The following UNC5C variants were observed in gnomAD, a reference collection of about 807,000 sequenced individuals.
UNC5C encodes netrin receptor UNC5C.
In UNC5C, 47 loss-of-function variants were observed where a neutral mutation model predicts 99.8. That is an observed-to-expected ratio of 0.47 (90% CI 0.37 to 0.60). The LOEUF (loss-of-function observed/expected upper bound fraction) is 0.60, where lower values mean the gene tolerates loss of function less well. Among genes scored for constraint, UNC5C ranks in the 20% least tolerant of loss-of-function variants. The pLI is 0.00. For synonymous variants in UNC5C, 487 were observed against 452.2 expected, an observed-to-expected ratio of 1.08 and a Z score of -0.98; for missense variants, 1,062 against 1,165.9, an observed-to-expected ratio of 0.91 and a Z score of 1.30.
At chr4:95,206,091 C>T (rs1186224825) in intron 11 of UNC5C, among the ~76,000 whole-genome samples, 2 of 151,550 alleles carry the variant, frequency 1.3e-5, no homozygotes, top group Non-Finnish European at 2.9e-5. Context: ...ACCTCCGCCT[C>T]CCGGGTTCAA....
intron 14 of UNC5C, among the ~76,000 whole-genome samples, chr4:95,180,993 G>GGCTTCCTCTCCAACATCA (rs1736589852): frequency 1.3e-5 from 2 of 152,106 alleles, no homozygotes; most frequent in African/African-American, 4.8e-5. Context: ...TCAGCGCAGA[G>GGCTTCCTCTCCAACATCA]GCTTCCTCTC....
intron 12 of UNC5C, among the ~76,000 whole-genome samples, chr4:95,191,582 C>T (rs543847377): frequency 1.3e-5 from 2 of 151,614 alleles, no homozygotes; most frequent in African/African-American, 4.9e-5. Flanking sequence ...CTCCTCTATT[C>T]ACCTTTCTCC....
At chr4:95,217,582 C>G (rs1419803249) in intron 9 of UNC5C, among the ~76,000 whole-genome samples, 1 of 152,122 alleles carries the variant, frequency 6.6e-6, no homozygotes, top group Non-Finnish European at 1.5e-5. Context: ...AATAAAATAT[C>G]ATATGTTGAT....
rs1040527387 is a variant in UNC5C, at chr4:95,467,016, G to A, written c.124+81718C>T. Among the ~76,000 whole-genome samples the A allele has an allele frequency of 7.2e-5, 11 of 152,214 alleles. No individual in the cohort carries two copies. In the South Asian group the frequency reaches 8.3e-4, roughly 11 times the overall value. On this transcript the variant is annotated intron_variant, in intron 1 of 15. Coordinates refer to ENST00000453304, the MANE Select transcript of UNC5C (RefSeq NM_003728.4). ...TTGCTCCATGGAAGCCAGCTGTCAT[G>A]TAATGATGACACTCGAGCCATGATG...
In UNC5C at chr4:95,164,673, TCA is replaced by T. The variant is rs1560706566; in HGVS notation, c.*4559_*4560del. On this transcript the variant is annotated 3_prime_UTR_variant, in exon 16 of 16. Transcript: ENST00000453304. Reference sequence around the variant, plus strand: ...TTATCTTGAGCAATGATGTACTGCTTCACAAAAGCTCTTCCATTCTCAAAGAA... The same window carrying T: ...TTATCTTGAGCAATGATGTACTGCTTCAAAAGCTCTTCCATTCTCAAAGAA... 2.6e-5 allele frequency: 4 copies of T among 152,226 alleles called. No individual in the cohort carries two copies. The highest frequency in any genetic ancestry group is 5.9e-5 in the Non-Finnish European group (4 of 68,044). 9.4% of individuals were successfully genotyped at this position (152,226 alleles called of 1,614,324 possible).
chr4:95,387,386 C>T (rs996117043), intron 1 of UNC5C, among the ~76,000 whole-genome samples: 1 of 152,188 alleles, frequency 6.6e-6, no homozygotes, highest in African/African-American at 2.4e-5. Context: ...GCTATCTTCT[C>T]TCCTAGGCCT....
At chr4:95,201,810 T>C (rs1737676899) in intron 12 of UNC5C, among the ~76,000 whole-genome samples, 1 of 152,154 alleles carries the variant, frequency 6.6e-6, no homozygotes, top group South Asian at 2.1e-4. Context: ...TTCACCGTGT[T>C]AGCCAGGATG....
intron 2 of UNC5C, among the ~76,000 whole-genome samples, chr4:95,311,463 T>C (rs769232110): frequency 6.6e-6 from 1 of 152,216 alleles, no homozygotes; most frequent in Non-Finnish European, 1.5e-5. Flanking sequence ...TTGGAAAATA[T>C]AATTCCTAAT....
chr4:95,184,257 TGA>T (rs1205147605), intron 13 of UNC5C, among the ~76,000 whole-genome samples: 1 of 152,188 alleles, frequency 6.6e-6, no homozygotes, highest in Non-Finnish European at 1.5e-5. Context: ...ACTAGACCAA[TGA>T]GAGTGAGAAT....
intron 7 of UNC5C, among the ~76,000 whole-genome samples, chr4:95,234,389 T>TTTTTA (rs1553956113): frequency 6.6e-6 from 1 of 151,938 alleles, no homozygotes; most frequent in Non-Finnish European, 1.5e-5. Flanking sequence ...ACCTTTTTTT[T>TTTTTA]ATTATACTTT....
intron 1 of UNC5C, among the ~76,000 whole-genome samples, chr4:95,407,743 C>G (rs1026897652): frequency 6.6e-6 from 1 of 151,968 alleles, no homozygotes; most frequent in Admixed American, 6.6e-5. Flanking sequence ...TTTGTACAAC[C>G]AAGAGGCTGT....
chr4:95,300,114 T>C (rs907038125), intron 3 of UNC5C, among the ~76,000 whole-genome samples: 5 of 152,158 alleles, frequency 3.3e-5, no homozygotes, highest in African/African-American at 4.8e-5. Flanking sequence ...AATGCAAAGA[T>C]GTAAAGGGTT....
At chr4:95,507,576 C>T (rs1161802498) in intron 1 of UNC5C, among the ~76,000 whole-genome samples, 1 of 151,988 alleles carries the variant, frequency 6.6e-6, no homozygotes, top group Non-Finnish European at 1.5e-5. Flanking sequence ...ATCCCAAGAC[C>T]CATTCTCTAG....
At position 95,323,985 on chromosome 4, in the gene UNC5C, G is replaced by A. The variant is rs374038787; in HGVS notation, c.346+11425C>T. ...CGGGAGGCGGAGGTTGCAGTGAGCCGAGATCATGCCACTGCACTCCAGCCT... is the reference window on the plus strand; with the variant it reads ...CGGGAGGCGGAGGTTGCAGTGAGCCAAGATCATGCCACTGCACTCCAGCCT... On this transcript the variant is annotated intron_variant, in intron 2 of 15. Coordinates refer to ENST00000453304, the MANE Select transcript of UNC5C (RefSeq NM_003728.4). Among the ~76,000 whole-genome samples, 41 of 152,152 alleles carry A rather than the reference G, an allele frequency of 2.7e-4. No individual in the cohort carries two copies. In the South Asian group the frequency reaches 4.4e-3, roughly 16 times the overall value.
At chr4:95,185,336 C>A (rs1736789479) in intron 12 of UNC5C, 140 bp from the exon 13 acceptor site, 2 of 950,614 alleles carry the variant, frequency 2.1e-6, no homozygotes, top group African/African-American at 1.6e-5. Context: ...ACTTTTGCAG[C>A]CTCGAGACCC....
intron 1 of UNC5C, among the ~76,000 whole-genome samples, chr4:95,364,982 T>C (rs1744509409): frequency 1.3e-5 from 2 of 151,764 alleles, no homozygotes; most frequent in South Asian, 4.1e-4. Context: ...TTTAAGTATA[T>C]ATTTATTTAC....
chr4:95,520,848 C>T (rs557785497), intron 1 of UNC5C, among the ~76,000 whole-genome samples: 123 of 152,154 alleles, frequency 8.1e-4, no homozygotes, highest in African/African-American at 2.8e-3. Flanking sequence ...GATCCACCCG[C>T]CTCGGCCCCC....
In UNC5C at chr4:95,379,448, T is replaced by C. The variant is rs552327002; in HGVS notation, c.125-43817A>G. ...AGAAAATACAAACAACATTAAATTATGCGAAAACCTCTCTGGACATGTTCA... is the reference window on the plus strand; with the variant it reads ...AGAAAATACAAACAACATTAAATTACGCGAAAACCTCTCTGGACATGTTCA... On this transcript the variant is annotated intron_variant, in intron 1 of 15. Coordinates refer to ENST00000453304, the MANE Select transcript of UNC5C (RefSeq NM_003728.4). Among the ~76,000 whole-genome samples, 8 of 152,326 alleles carry C rather than the reference T, an allele frequency of 5.3e-5. No individual in the cohort carries two copies. In the East Asian group the frequency reaches 1.4e-3, roughly 26 times the overall value.
chr4:95,192,324 CCT>C (rs1166064153), intron 12 of UNC5C, among the ~76,000 whole-genome samples: 1 of 138,726 alleles, frequency 7.2e-6, no homozygotes, highest in African/African-American at 2.7e-5. Flanking sequence ...CCCCTGCTCA[CCT>C]CCTCCCCTGC....
Sources: allele counts gnomAD v4.1 joint callset (sites outside exome capture counted in the v4.1 genomes callset), GRCh38; gene constraint gnomAD v4.1.1; transcripts MANE v1.5; gene names NCBI Gene and HGNC (gene_info 2026-07-23, HGNC 2026-07-21).